The following CREB5 variants were observed in gnomAD, a reference collection of about 807,000 sequenced individuals.
CREB5 encodes cyclic AMP-responsive element-binding protein 5.
A neutral mutation model predicts 57.1 loss-of-function variants in CREB5; 19 were observed. The observed-to-expected ratio is 0.33, with a 90% confidence interval of 0.23 to 0.49. The LOEUF is 0.49. Ranked by LOEUF, CREB5 falls within the 20% of genes least tolerant of loss-of-function variation. CREB5 has a pLI of 0.99. For synonymous variants in CREB5, 238 were observed against 238.3 expected, an observed-to-expected ratio of 1.00 and a Z score of 0.01; for missense variants, 579 against 671.6, an observed-to-expected ratio of 0.86 and a Z score of 1.52.
chr7:28,534,788 A>G (rs1583591133), intron 4 of CREB5, among the ~76,000 whole-genome samples: 1 of 141,412 alleles, frequency 7.1e-6, no homozygotes, highest in South Asian at 2.2e-4. Context: ...CAATAACCCT[A>G]TGAGGTACAC....
chr7:28,734,527 C>G (rs1803864502), intron 7 of CREB5, among the ~76,000 whole-genome samples: 1 of 152,052 alleles, frequency 6.6e-6, no homozygotes, highest in South Asian at 2.1e-4. Flanking sequence ...AAAAATTTAA[C>G]TATTTCCTCA....
At chr7:28,712,237 T>C (rs1278456052) in intron 5 of CREB5, among the ~76,000 whole-genome samples, 1 of 152,076 alleles carries the variant, frequency 6.6e-6, no homozygotes, top group Non-Finnish European at 1.5e-5. Flanking sequence ...TCTTTCTTTA[T>C]GAAAATAGAC....
chr7:28,426,300 G>A lies in CREB5; in HGVS notation c.3+13383G>A, dbSNP rs546964402. Reference sequence around the variant, plus strand: ...GACAAAACCAGTAAATGGAGGAGTTGGGTTTGGTCCCAGTTTTGTCTGGTC... The same window carrying A: ...GACAAAACCAGTAAATGGAGGAGTTAGGTTTGGTCCCAGTTTTGTCTGGTC... On this transcript the variant is annotated intron_variant, in intron 1 of 10. Coordinates refer to ENST00000357727, the MANE Select transcript of CREB5 (RefSeq NM_182898.4). Among the ~76,000 whole-genome samples, 7 of 152,318 alleles carry A rather than the reference G, an allele frequency of 4.6e-5. No homozygotes were observed. In the South Asian group the frequency reaches 1.4e-3, roughly 32 times the overall value.
At chr7:28,675,835 G>A (rs1361555847) in intron 5 of CREB5, among the ~76,000 whole-genome samples, 1 of 152,074 alleles carries the variant, frequency 6.6e-6, no homozygotes, top group Admixed American at 6.5e-5. Context: ...GAGTTGAGAT[G>A]AGGAAGACTC....
rs1257429719 is a variant in CREB5, at chr7:28,821,799, T to C, written c.*2520T>C. ...CATTAAAATGTTTAGTTGGGTTTTT[T>C]AATTTTTAATTTTTATGTTATGTTT... On this transcript the variant is annotated 3_prime_UTR_variant, in exon 11 of 11. Transcript: ENST00000357727. 1 of 152,636 alleles carries C rather than the reference T, an allele frequency of 6.6e-6. No individual in the cohort carries two copies. Among genetic ancestry groups the C allele is most frequent in the Non-Finnish European group, 1.5e-5 (1 of 68,038 alleles). The allele number at this position is 152,636 out of a possible 1,614,324, so 9.5% of individuals were successfully genotyped here.
chr7:28,691,827 G>T (rs977657298), intron 5 of CREB5, among the ~76,000 whole-genome samples: 2 of 152,060 alleles, frequency 1.3e-5, no homozygotes, highest in African/African-American at 4.8e-5. Flanking sequence ...GCCCTGTCAT[G>T]TGCCTGACAG....
At chr7:28,713,049 TTTTA>T (rs1378627713) in intron 5 of CREB5, among the ~76,000 whole-genome samples, 14 of 151,960 alleles carry the variant, frequency 9.2e-5, no homozygotes, top group African/African-American at 3.4e-4. Flanking sequence ...TTTAAAAAAT[TTTTA>T]TTTATTTTTT....
At chr7:28,759,419 G>T (rs1347660269) in intron 7 of CREB5, among the ~76,000 whole-genome samples, 2 of 152,158 alleles carry the variant, frequency 1.3e-5, no homozygotes, top group East Asian at 3.8e-4. Flanking sequence ...AAATGTATTT[G>T]AAGAACGCTG....
intron 1 of CREB5, among the ~76,000 whole-genome samples, chr7:28,361,451 C>A (rs1385259965): frequency 1.3e-5 from 2 of 152,194 alleles, no homozygotes; most frequent in African/African-American, 4.8e-5. Context: ...TCTAAGGAAG[C>A]AAAAGAGGCC....
intron 7 of CREB5, among the ~76,000 whole-genome samples, chr7:28,784,061 C>T (rs1562638448): frequency 6.6e-6 from 1 of 152,244 alleles, no homozygotes; most frequent in Non-Finnish European, 1.5e-5. Flanking sequence ...GGGTGATGAA[C>T]AGTAATGACT....
chr7:28,341,778 C>G (rs531834138), intron 1 of CREB5, among the ~76,000 whole-genome samples: 1 of 152,334 alleles, frequency 6.6e-6, no homozygotes, highest in African/African-American at 2.4e-5. Flanking sequence ...TTCTCTTGCC[C>G]TTGCTCATTT....
intron 5 of CREB5, among the ~76,000 whole-genome samples, chr7:28,636,402 T>G (rs904010036): frequency 1.3e-5 from 2 of 152,176 alleles, no homozygotes; most frequent in African/African-American, 4.8e-5. Context: ...TACTGATGAC[T>G]TTATCATCTT....
At chr7:28,371,955 A>T (rs556231435) in intron 1 of CREB5, among the ~76,000 whole-genome samples, 2 of 152,042 alleles carry the variant, frequency 1.3e-5, no homozygotes, top group Admixed American at 1.3e-4. Flanking sequence ...CAGGACTTAG[A>T]GGGTTAAGAT....
intron 1 of CREB5, among the ~76,000 whole-genome samples, chr7:28,468,424 G>A (rs916146451): frequency 6.6e-6 from 1 of 152,210 alleles, no homozygotes; most frequent in African/African-American, 2.4e-5. Context: ...TGAGGACGAG[G>A]GCAAGCTTCG....
intron 1 of CREB5, among the ~76,000 whole-genome samples, chr7:28,314,261 A>G (rs2127982370): frequency 6.6e-6 from 1 of 152,338 alleles, no homozygotes; most frequent in South Asian, 2.1e-4. Flanking sequence ...CTGTTAAACC[A>G]GACATGTTTT....
intron 4 of CREB5, among the ~76,000 whole-genome samples, chr7:28,536,195 G>A (rs1793961067): frequency 6.6e-6 from 1 of 152,158 alleles, no homozygotes; most frequent in South Asian, 2.1e-4. Flanking sequence ...ACACGAAGGG[G>A]GATGCTGTTT....
intron 1 of CREB5, among the ~76,000 whole-genome samples, chr7:28,453,307 C>A (rs1789921219): frequency 6.6e-6 from 1 of 152,068 alleles, no homozygotes; most frequent in South Asian, 2.1e-4. Flanking sequence ...GGCATGGTGG[C>A]ACACGCCTGT....
chr7:28,520,885 A>C (rs1439499010), intron 4 of CREB5, among the ~76,000 whole-genome samples: 2 of 152,254 alleles, frequency 1.3e-5, no homozygotes, highest in Non-Finnish European at 2.9e-5. Context: ...ATCACAGCTG[A>C]TAAATCATTT....
chr7:28,486,921 C>G (rs984458337), intron 1 of CREB5, among the ~76,000 whole-genome samples: 1 of 151,482 alleles, frequency 6.6e-6, no homozygotes, highest in African/African-American at 2.4e-5. Flanking sequence ...CCTGGCAATA[C>G]AGCAAGACTT....
Sources: allele counts gnomAD v4.1 joint callset (sites outside exome capture counted in the v4.1 genomes callset), GRCh38; gene constraint gnomAD v4.1.1; transcripts MANE v1.5; gene names NCBI Gene and HGNC (gene_info 2026-07-23, HGNC 2026-07-21).